Variants in LY96 observed in about 807,000 individuals in gnomAD.
The protein encoded by LY96 is myeloid differentiation protein-2.
Under a neutral mutation model 18.9 loss-of-function variants are expected in LY96, and 18 were observed. The observed-to-expected ratio is 0.95, with a 90% CI of 0.66 to 1.41. The LOEUF is 1.41. Among genes scored for constraint, LY96 ranks in the 40% most tolerant of loss-of-function variants. The pLI, the probability that LY96 is intolerant of heterozygous loss-of-function variation, is 0.00. For missense variants in LY96, 175 were observed against 182.4 expected (o/e 0.96, Z 0.23); for synonymous variants, 66 against 62.6 (o/e 1.06, Z -0.26).
intron 1 of LY96, among the ~76,000 whole-genome samples, chr8:73,993,156 C>T (rs547123090): frequency 2.6e-5 from 4 of 151,282 alleles, no homozygotes; most frequent in Non-Finnish European, 5.9e-5. Context: ...CCACCTTGCC[C>T]GGTTTATGCC....
chr8:74,096,025 G>A, the LY96 span, among the ~76,000 whole-genome samples: 15 of 152,256 alleles, frequency 9.9e-5, no homozygotes, highest in East Asian at 2.3e-3. Flanking sequence ...TTAAGTGCCC[G>A]AGCCAATTGC....
chr8:73,992,821 G>A (rs1332382603), intron 1 of LY96, among the ~76,000 whole-genome samples: 1 of 146,006 alleles, frequency 6.8e-6, no homozygotes, highest in Non-Finnish European at 1.5e-5. Context: ...TTTGTACCAT[G>A]TGCTAATTAT....
chr8:74,009,950 G>A (rs2131268147), intron 2 of LY96, 51 bp from the exon 3 acceptor site: 1 of 1,325,448 alleles, frequency 7.5e-7, no homozygotes, highest in Non-Finnish European at 1.1e-6. Context: ...TAATTACTAT[G>A]TATAAAAGAA....
chr8:74,034,353 T>A, the LY96 span, among the ~76,000 whole-genome samples: 1 of 151,372 alleles, frequency 6.6e-6, no homozygotes, highest in Non-Finnish European at 1.5e-5. Context: ...GCCTGGGCAA[T>A]AAAGCGAGAC....
intron 3 of LY96, among the ~76,000 whole-genome samples, chr8:74,025,388 T>C (rs111233473): frequency 0.056 from 8,552 of 152,030 alleles, 785 homozygotes; most frequent in African/African-American, 0.19. Flanking sequence ...GGTGTGGTGG[T>C]TTATGTCTGT....
At chr8:74,010,177 T>A in intron 3 of LY96, 48 bp downstream of exon 3, 1 of 1,534,194 alleles carries the variant, frequency 6.5e-7, no homozygotes, top group Non-Finnish European at 9.0e-7. Flanking sequence ...TAATTCTTTA[T>A]GAAAATGTTA....
rs115855837 is a variant in LY96, at chr8:73,997,562, A to T, written c.112+6008A>T. On this transcript the variant is annotated intron_variant, in intron 1 of 4. Transcript: ENST00000284818. ...TCAACTTTATACCAAGACCTCCAGG[A>T]CTCCTCAGGATCTTGAAGCAATACT... 8.3e-3 allele frequency among the ~76,000 whole-genome samples: 1,265 copies of T among 152,186 alleles called. 18 individuals are homozygous for T. The highest frequency in any genetic ancestry group is 0.028 in the African/African-American group (1,179 of 41,526).
At chr8:74,017,564 C>G (rs1288538529) in intron 3 of LY96, among the ~76,000 whole-genome samples, 1 of 152,168 alleles carries the variant, frequency 6.6e-6, no homozygotes, top group Non-Finnish European at 1.5e-5. Context: ...CCACAAGGTA[C>G]TCCTCGAGAA....
the LY96 span, among the ~76,000 whole-genome samples, chr8:74,041,338 T>C: frequency 6.6e-6 from 1 of 152,190 alleles, no homozygotes; most frequent in Non-Finnish European, 1.5e-5. Context: ...ACTGTACAAA[T>C]TGATTGTAAA....
intron 2 of LY96, among the ~76,000 whole-genome samples, chr8:74,005,950 AT>A (rs1816400144): frequency 6.6e-6 from 1 of 152,224 alleles, no homozygotes. Flanking sequence ...AAGCTTAAAC[AT>A]TTTCCCCCGA....
intron 3 of LY96, among the ~76,000 whole-genome samples, chr8:74,018,448 A>G (rs1563717875): frequency 6.6e-6 from 1 of 152,126 alleles, no homozygotes; most frequent in Non-Finnish European, 1.5e-5. Context: ...CTACAAAGAG[A>G]CTTAGACTCC....
intron 3 of LY96, among the ~76,000 whole-genome samples, chr8:74,012,309 G>A: frequency 6.6e-6 from 1 of 152,060 alleles, no homozygotes; most frequent in Non-Finnish European, 1.5e-5. Flanking sequence ...AGACAAATGG[G>A]TAAATAAAAT....
intron 1 of LY96, among the ~76,000 whole-genome samples, chr8:74,001,255 G>A (rs1488337245): frequency 1.4e-5 from 2 of 144,628 alleles, no homozygotes; most frequent in African/African-American, 2.6e-5. Flanking sequence ...AGACAGTCTC[G>A]CTCTGTCATA....
At chr8:74,038,400 A>G in the LY96 span, among the ~76,000 whole-genome samples, 1 of 152,094 alleles carries the variant, frequency 6.6e-6, no homozygotes, top group Non-Finnish European at 1.5e-5. Context: ...CCATGAGTTC[A>G]GTTGTTTTAA....
chr8:74,058,028 A>G, the LY96 span, among the ~76,000 whole-genome samples: 1 of 152,192 alleles, frequency 6.6e-6, no homozygotes, highest in Non-Finnish European at 1.5e-5. Flanking sequence ...TCGTGAGCCT[A>G]AGGGCAGCTA....
chr8:74,028,480 G>A (rs1816914377), intron 4 of LY96, among the ~76,000 whole-genome samples: 2 of 152,116 alleles, frequency 1.3e-5, no homozygotes, highest in Admixed American at 1.3e-4. Flanking sequence ...CATTGTTTAG[G>A]AGAATAAAAA....
chr8:74,067,422 G>A, the LY96 span, among the ~76,000 whole-genome samples: 3 of 152,020 alleles, frequency 2.0e-5, no homozygotes, highest in African/African-American at 7.2e-5. Context: ...ATGGGGTCTC[G>A]CTACGTTGCC....
the LY96 span, among the ~76,000 whole-genome samples, chr8:74,072,392 C>G: frequency 1.4e-4 from 22 of 152,116 alleles, no homozygotes; most frequent in Non-Finnish European, 3.1e-4. Flanking sequence ...AAGGCTTGCT[C>G]TTTGCAATTT....
At chr8:74,016,325 G>T (rs1250461020) in intron 3 of LY96, among the ~76,000 whole-genome samples, 1 of 152,234 alleles carries the variant, frequency 6.6e-6, no homozygotes, top group Non-Finnish European at 1.5e-5. Flanking sequence ...GTCCGCCATT[G>T]CTGAGGCTTG....
Sources: allele counts gnomAD v4.1 joint callset (sites outside exome capture counted in the v4.1 genomes callset), GRCh38; gene constraint gnomAD v4.1.1; transcripts MANE v1.5; gene names NCBI Gene and HGNC (gene_info 2026-07-23, HGNC 2026-07-21).